Variants in STAU2 observed in about 807,000 individuals in gnomAD.
STAU2 encodes the protein staufen double-stranded RNA binding protein 2, also known as double-stranded RNA-binding protein Staufen homolog 2.
A neutral mutation model predicts 65.9 loss-of-function variants in STAU2; 20 were observed. The ratio of observed to expected loss-of-function variants is 0.30; its 90% CI spans 0.21 to 0.44. STAU2 has a LOEUF of 0.44. STAU2 is among the 20% of genes least tolerant of loss of function. STAU2 has a pLI of 1.00. For synonymous variants in STAU2, 232 were observed against 233.9 expected (o/e 0.99, Z 0.07); for missense variants, 558 against 683.9 (o/e 0.82, Z 2.05).
intron 13 of STAU2, among the ~76,000 whole-genome samples, chr8:73,450,096 A>G (rs370428824): frequency 1.1e-3 from 171 of 152,316 alleles, no homozygotes; most frequent in African/African-American, 3.9e-3. Flanking sequence ...GGATGCATGG[A>G]TTTGGGGGCT....
At chr8:73,675,999 G>A (rs918998371) in intron 5 of STAU2, among the ~76,000 whole-genome samples, 6 of 152,084 alleles carry the variant, frequency 3.9e-5, no homozygotes, top group South Asian at 2.1e-4. Flanking sequence ...GGGGAATAAA[G>A]GTGAAGGATA....
At chr8:73,587,200 T>C (rs13277065) in intron 11 of STAU2, among the ~76,000 whole-genome samples, 93,784 of 151,972 alleles carry the variant, frequency 0.62, 31,649 homozygotes, top group East Asian at 0.77. Flanking sequence ...CGTGAAAATT[T>C]ACTTCCAATT....
chr8:73,592,408 T>C (rs1586077240), intron 11 of STAU2, among the ~76,000 whole-genome samples: 2 of 152,166 alleles, frequency 1.3e-5, no homozygotes, highest in East Asian at 3.9e-4. Flanking sequence ...ATCAACTAAT[T>C]CTTTGAAAGA....
chr8:73,690,091 G>T (rs549699470), intron 4 of STAU2, among the ~76,000 whole-genome samples: 1 of 152,010 alleles, frequency 6.6e-6, no homozygotes, highest in African/African-American at 2.4e-5. Flanking sequence ...CACTTTGGGA[G>T]GCTGAGATGG....
At chr8:73,509,038 G>A (rs1300146156) in intron 13 of STAU2, among the ~76,000 whole-genome samples, 1 of 152,174 alleles carries the variant, frequency 6.6e-6, no homozygotes, top group Non-Finnish European at 1.5e-5. Context: ...GCTGGATCAT[G>A]TGGTAAATTT....
chr8:73,519,608 C>CA (rs557092100), intron 13 of STAU2, among the ~76,000 whole-genome samples: 3 of 152,074 alleles, frequency 2.0e-5, no homozygotes, highest in Non-Finnish European at 2.9e-5. Flanking sequence ...GATTCTTTCA[C>CA]AAAAAAATGT....
chr8:73,660,862 A>C (rs1816780932), intron 6 of STAU2, among the ~76,000 whole-genome samples: 3 of 152,310 alleles, frequency 2.0e-5, no homozygotes, highest in African/African-American at 7.2e-5. Context: ...TCCTCCTATA[A>C]AGCATACACC....
intron 13 of STAU2, among the ~76,000 whole-genome samples, chr8:73,444,911 T>A (rs1001683152): frequency 7.2e-5 from 11 of 152,344 alleles, no homozygotes; most frequent in African/African-American, 2.6e-4. Flanking sequence ...GCACATACTT[T>A]GTTAACTCTC....
chr8:73,535,943 T>C (rs1245636109), intron 13 of STAU2, among the ~76,000 whole-genome samples: 3 of 152,112 alleles, frequency 2.0e-5, no homozygotes, highest in African/African-American at 7.2e-5. Context: ...TCTTATTATA[T>C]ACTGACTTAA....
intron 6 of STAU2, among the ~76,000 whole-genome samples, chr8:73,660,749 C>T (rs1816770850): frequency 6.6e-6 from 1 of 152,136 alleles, no homozygotes; most frequent in African/African-American, 2.4e-5. Context: ...CTGATATGCG[C>T]AGTTTTCTAA....
intron 13 of STAU2, among the ~76,000 whole-genome samples, chr8:73,435,656 T>C (rs881340): frequency 0.67 from 101,424 of 151,732 alleles, 34,548 homozygotes; most frequent in East Asian, 0.9. Context: ...GCCCCATAAT[T>C]TACCTCCAAG....
At chr8:73,720,268 C>T (rs1416053495) in intron 3 of STAU2, among the ~76,000 whole-genome samples, 22 of 78,826 alleles carry the variant, frequency 2.8e-4, no homozygotes, top group African/African-American at 1.6e-3. Context: ...GAGACCCTGT[C>T]TCAAAAAAAA....
intron 10 of STAU2, among the ~76,000 whole-genome samples, chr8:73,596,798 G>A (rs7004212): frequency 0.15 from 23,405 of 152,064 alleles, 1,833 homozygotes; most frequent in African/African-American, 0.17. Flanking sequence ...GCAGTGAACC[G>A]TGATCACATC....
At chr8:73,677,490 T>G (rs951601254) in intron 5 of STAU2, among the ~76,000 whole-genome samples, 4 of 152,164 alleles carry the variant, frequency 2.6e-5, no homozygotes, top group African/African-American at 9.7e-5. Flanking sequence ...ACTTATGCAA[T>G]AGAATACTAC....
intron 13 of STAU2, among the ~76,000 whole-genome samples, chr8:73,534,645 A>G (rs1369127623): frequency 6.6e-6 from 1 of 152,212 alleles, no homozygotes; most frequent in Non-Finnish European, 1.5e-5. Context: ...CTCATAATGT[A>G]ATAAAATAAA....
At chr8:73,692,390 G>T (rs926236204) in intron 4 of STAU2, among the ~76,000 whole-genome samples, 7 of 151,930 alleles carry the variant, frequency 4.6e-5, no homozygotes, top group Non-Finnish European at 5.9e-5. Flanking sequence ...TAGAGACGGG[G>T]TTTCACTATG....
At chr8:73,520,533 C>T (rs1365356953) in intron 13 of STAU2, among the ~76,000 whole-genome samples, 1 of 152,224 alleles carries the variant, frequency 6.6e-6, no homozygotes, top group East Asian at 1.9e-4. Flanking sequence ...ACTACTTCAC[C>T]CCAAGCATTT....
chr8:73,579,070 T>C (rs922922980), intron 12 of STAU2, among the ~76,000 whole-genome samples: 1 of 133,524 alleles, frequency 7.5e-6, no homozygotes, highest in Non-Finnish European at 1.5e-5. Context: ...ATCTACCCAA[T>C]GTCATATCAC....
At chr8:73,572,699 C>A (rs550244521) in intron 12 of STAU2, among the ~76,000 whole-genome samples, 1 of 152,104 alleles carries the variant, frequency 6.6e-6, no homozygotes, top group Admixed American at 6.5e-5. Flanking sequence ...ATTCAACAGC[C>A]CTTCATGCTA....
Sources: gnomAD v4.1 joint callset for allele counts (sites outside exome capture counted in the v4.1 genomes callset) on GRCh38, gnomAD v4.1.1 for gene constraint, MANE v1.5 for transcripts, NCBI Gene and HGNC (gene_info 2026-07-23, HGNC 2026-07-21) for gene names.